Variants in NFIB observed in about 807,000 individuals in gnomAD.
NFIB encodes the protein nuclear factor 1 B-type.
NFIB carries 11 observed loss-of-function variants against 61.5 expected under a neutral mutation model. The observed-to-expected ratio is 0.18, with a 90% CI of 0.11 to 0.30. NFIB has a LOEUF of 0.30. Among genes scored for constraint, NFIB ranks in the 10% least tolerant of loss-of-function variants. The probability of loss-of-function intolerance (pLI) is 1.00; values close to 1 mark genes in which losing one functional copy is unlikely to be tolerated. For synonymous variants in NFIB, 260 were observed against 216.5 expected (o/e 1.20, Z -1.76); for missense variants, 471 against 608.9 (o/e 0.77, Z 2.38).
In NFIB at chr9:14,307,416, A is replaced by G; in HGVS notation, c.135T>C (p.His45=). 1 of 1,614,020 alleles carries G rather than the reference A, an allele frequency of 6.2e-7. No individual in the cohort carries two copies. The highest frequency in any genetic ancestry group is 8.5e-7 in the Non-Finnish European group (1 of 1,180,006). ...CTTCATCCTTTGACATTCGCTTCTC[A>G]TGCTTTTTAAAGTACTTGCGTTTTC... ...QARKRKYFKK[H]EKRMSKDEER... Residue 45 remains histidine (H), a synonymous_variant, in exon 2 of 11, where the codon CAT becomes CAC. Coordinates refer to ENST00000380953, the MANE Select transcript of NFIB (RefSeq NM_001190737.2). This position sits in a 1 kb window ranked among gnomAD's most constrained non-coding sequence, Gnocchi z 5.3.
chr9:14,112,887 G>T, intron 10 of NFIB, 112 bp downstream of exon 10: 2 of 847,166 alleles, frequency 2.4e-6, no homozygotes, highest in Non-Finnish European at 3.7e-6. Flanking sequence ...GATCAGTTTT[G>T]GTCTCAGAAG....
the NFIB span, among the ~76,000 whole-genome samples, chr9:14,448,965 T>G: frequency 6.6e-6 from 1 of 152,112 alleles, no homozygotes. Context: ...GAGTCAATGC[T>G]AGGGTAGAAT....
the NFIB span, among the ~76,000 whole-genome samples, chr9:14,455,864 G>A: frequency 4.6e-5 from 7 of 152,184 alleles, no homozygotes; most frequent in African/African-American, 1.7e-4. Flanking sequence ...TTAAAACATA[G>A]AATCTAAATA....
At chr9:14,437,735 C>T in the NFIB span, among the ~76,000 whole-genome samples, 41 of 152,358 alleles carry the variant, frequency 2.7e-4, no homozygotes, top group African/African-American at 8.9e-4. Flanking sequence ...AGCATTGCCA[C>T]TCCTACCTTT....
the NFIB span, among the ~76,000 whole-genome samples, chr9:14,444,653 C>G: frequency 1.3e-5 from 2 of 152,146 alleles, no homozygotes; most frequent in Admixed American, 6.5e-5. Context: ...GCCAACACTT[C>G]CTTATCCAGC....
At chr9:14,381,983 G>GA (rs1225429621) in intron 1 of NFIB, among the ~76,000 whole-genome samples, 1 of 152,188 alleles carries the variant, frequency 6.6e-6, no homozygotes, top group Non-Finnish European at 1.5e-5. Context: ...GGCTTAGCTG[G>GA]AAAAAATGCT....
At chr9:14,346,235 G>A (rs2061017841) in intron 1 of NFIB, among the ~76,000 whole-genome samples, 1 of 149,502 alleles carries the variant, frequency 6.7e-6, no homozygotes, top group Non-Finnish European at 1.5e-5. Flanking sequence ...AGGATTTGTA[G>A]CCATCTTTGC....
chr9:14,440,143 GC>G, the NFIB span, among the ~76,000 whole-genome samples: 1 of 152,194 alleles, frequency 6.6e-6, no homozygotes, highest in Non-Finnish European at 1.5e-5. Flanking sequence ...GCCCTCACAT[GC>G]ATGAGGCACC....
the NFIB span, among the ~76,000 whole-genome samples, chr9:14,405,600 T>G: frequency 6.6e-6 from 1 of 151,232 alleles, no homozygotes; most frequent in South Asian, 2.1e-4. Flanking sequence ...AACAGAACGT[T>G]AGTAGCAATT....
chr9:14,154,690 T>C (rs2043199804), intron 4 of NFIB, among the ~76,000 whole-genome samples: 1 of 152,162 alleles, frequency 6.6e-6, no homozygotes, highest in Non-Finnish European at 1.5e-5. Flanking sequence ...TTATCCACTC[T>C]AGAATTATAC....
chr9:14,257,499 T>TAATGCCA (rs2056335901), intron 2 of NFIB, among the ~76,000 whole-genome samples: 1 of 152,172 alleles, frequency 6.6e-6, no homozygotes, highest in African/African-American at 2.4e-5. Context: ...CTCACACCTG[T>TAATGCCA]AATGCCAGCA....
At chr9:14,394,436 T>A (rs1239734742) in intron 1 of NFIB, among the ~76,000 whole-genome samples, 4 of 152,116 alleles carry the variant, frequency 2.6e-5, no homozygotes, top group Admixed American at 2.6e-4. Context: ...TGCCTCATAA[T>A]AATGGTGGAA....
chr9:14,115,274 T>C (rs757079499), intron 9 of NFIB, among the ~76,000 whole-genome samples: 7 of 144,760 alleles, frequency 4.8e-5, no homozygotes, highest in Non-Finnish European at 1.0e-4. Context: ...ATCATGGGGA[T>C]TTTCTTGCTC....
At chr9:14,391,545 T>C (rs570776880) in intron 1 of NFIB, among the ~76,000 whole-genome samples, 1 of 151,934 alleles carries the variant, frequency 6.6e-6, no homozygotes, top group African/African-American at 2.4e-5. Context: ...CTCAAGCATG[T>C]GCACTAAGAG....
intron 2 of NFIB, among the ~76,000 whole-genome samples, chr9:14,185,312 G>C (rs2047225239): frequency 6.6e-6 from 1 of 152,098 alleles, no homozygotes; most frequent in South Asian, 2.1e-4. Context: ...CTTTTACCAA[G>C]AAGATCTTTA....
chr9:14,427,120 T>C, the NFIB span, among the ~76,000 whole-genome samples: 1 of 152,208 alleles, frequency 6.6e-6, no homozygotes, highest in African/African-American at 2.4e-5. Flanking sequence ...AGCTTTCTTT[T>C]TCATAATCTT....
chr9:14,101,456 T>G (rs765553545), intron 10 of NFIB, among the ~76,000 whole-genome samples: 1 of 152,188 alleles, frequency 6.6e-6, no homozygotes. Flanking sequence ...AATATGGAGA[T>G]AGGCAGACGA....
At chr9:14,327,244 G>A (rs999498613) in intron 1 of NFIB, among the ~76,000 whole-genome samples, 2 of 152,164 alleles carry the variant, frequency 1.3e-5, no homozygotes, top group African/African-American at 4.8e-5. Flanking sequence ...CTTTTGCTCA[G>A]TGAGGCCACA....
the NFIB span, among the ~76,000 whole-genome samples, chr9:14,461,154 T>C: frequency 1.3e-5 from 2 of 152,110 alleles, no homozygotes; most frequent in African/African-American, 2.4e-5. Flanking sequence ...ACACCACCAA[T>C]TGGTAACTGA....
Sources: gnomAD v4.1 joint callset for allele counts (sites outside exome capture counted in the v4.1 genomes callset) on GRCh38, gnomAD v4.1.1 for gene constraint, Gnocchi (gnomAD v3.1) non-coding constraint, MANE v1.5 for transcripts, NCBI Gene and HGNC (gene_info 2026-07-23, HGNC 2026-07-21) for gene names.